The following CEP68 variants were observed in gnomAD, a reference collection of about 807,000 sequenced individuals.
CEP68 encodes centrosomal protein of 68 kDa.
Under a neutral mutation model 55.3 loss-of-function variants are expected in CEP68, and 26 were observed. That is an observed-to-expected ratio of 0.47 (90% confidence interval 0.34 to 0.65). The LOEUF (loss-of-function observed/expected upper bound fraction) is 0.65, where lower values mean the gene tolerates loss of function less well. Among genes scored for constraint, CEP68 ranks in the 30% least tolerant of loss-of-function variants. CEP68 has a pLI of 0.01. For synonymous variants in CEP68, 402 were observed against 383.2 expected, an observed-to-expected ratio of 1.05 and a Z score of -0.57; for missense variants, 957 against 946.7, an observed-to-expected ratio of 1.01 and a Z score of -0.14.
chr2:65,073,247 T>C (rs920075350), intron 3 of CEP68: 1 of 491,460 alleles, frequency 2.0e-6, no homozygotes, highest in East Asian at 4.2e-5. Context: ...GAGACCCAGG[T>C]AGACTATTTG....
At chr2:65,060,971 G>A (rs1373733499) in intron 1 of CEP68, among the ~76,000 whole-genome samples, 2 of 152,218 alleles carry the variant, frequency 1.3e-5, no homozygotes, top group Non-Finnish European at 2.9e-5. Flanking sequence ...AAGGTCAGGA[G>A]TTCGAGACCA....
At position 65,072,554 on chromosome 2, in the gene CEP68, C is replaced by T. The variant is rs572350656; in HGVS notation, c.1458C>T (p.Pro486=). Residue 486 remains proline (P), a synonymous_variant, in exon 3 of 7, where the codon CCC becomes CCT. Transcript: ENST00000377990. ...GTGATGACGAGTATCTTGCCCTCCC[C>T]GCTCGGCTGACACAGGTTTCTAGCC... ...VESDDEYLAL[P]ARLTQVSSLV... 5.5e-5 allele frequency: 89 copies of T among 1,614,080 alleles called. No homozygotes were observed. The highest frequency in any genetic ancestry group is 4.9e-4 in the Middle Eastern group (3 of 6,062).
chr2:65,080,409 T>C (rs1676956686), intron 5 of CEP68: 1 of 985,232 alleles, frequency 1.0e-6, no homozygotes, highest in South Asian at 4.7e-5. Context: ...TAACTTTTCT[T>C]CCGCCAGGAG....
chr2:65,067,310 G>C (rs1573025849), intron 1 of CEP68, among the ~76,000 whole-genome samples: 2 of 152,246 alleles, frequency 1.3e-5, no homozygotes, highest in South Asian at 4.2e-4. Context: ...AACCCGGGAG[G>C]TGGAGGTTGC....
In CEP68 at chr2:65,084,921, C is replaced by A. The variant is rs1172589663; in HGVS notation, c.*1287C>A. ...TTTGCCATATTAATCATCTTAGTTCCATACACACTGAGACTTTAAAAGGGA... is the reference window on the plus strand; with the variant it reads ...TTTGCCATATTAATCATCTTAGTTCAATACACACTGAGACTTTAAAAGGGA... On this transcript the variant is annotated 3_prime_UTR_variant, in exon 7 of 7. Coordinates refer to ENST00000377990, the MANE Select transcript of CEP68 (RefSeq NM_015147.3). The A allele has an allele frequency of 6.6e-6, 1 of 152,066 alleles. No individual in the cohort carries two copies. Among genetic ancestry groups the A allele is most frequent in the African/African-American group, 2.4e-5 (1 of 41,410 alleles). 9.4% of individuals were successfully genotyped at this position (152,066 alleles called of 1,614,324 possible).
intron 5 of CEP68, among the ~76,000 whole-genome samples, chr2:65,078,834 GCACCCAGCCACTT>G (rs1215080992): frequency 6.6e-6 from 1 of 152,236 alleles, no homozygotes; most frequent in Non-Finnish European, 1.5e-5. Context: ...GTGAGCCACT[GCACCCAGCCACTT>G]GAGCCCATTT....
chr2:65,074,724 G>T, intron 4 of CEP68: 1 of 361,614 alleles, frequency 2.8e-6, no homozygotes, highest in East Asian at 7.1e-5. Flanking sequence ...AAGATTGCTT[G>T]AGCCCAGGAG....
chr2:65,058,115 G>T (rs1675734858), intron 1 of CEP68, among the ~76,000 whole-genome samples: 1 of 152,176 alleles, frequency 6.6e-6, no homozygotes, highest in Non-Finnish European at 1.5e-5. Flanking sequence ...CAGTCGTTAG[G>T]AGAAAAATAA....
intron 1 of CEP68, among the ~76,000 whole-genome samples, chr2:65,058,497 CTTTTTT>C (rs34477880): frequency 2.8e-4 from 21 of 75,682 alleles, no homozygotes; most frequent in South Asian, 5.6e-4. Flanking sequence ...GATTTTTTTC[CTTTTTT>C]TTTTTTTTTT....
intron 5 of CEP68, among the ~76,000 whole-genome samples, chr2:65,079,301 A>C (rs1676901219): frequency 6.6e-6 from 1 of 152,136 alleles, no homozygotes. Flanking sequence ...TTTGTGGGGA[A>C]TTGTCCTATG....
At chr2:65,060,912 C>T (rs983174915) in intron 1 of CEP68, among the ~76,000 whole-genome samples, 1 of 152,180 alleles carries the variant, frequency 6.6e-6, no homozygotes, top group Admixed American at 6.5e-5. Context: ...CGCAGTGGCT[C>T]ACGCCTGTAA....
chr2:65,075,725 T>G (rs1487312439), intron 4 of CEP68, among the ~76,000 whole-genome samples: 1 of 152,178 alleles, frequency 6.6e-6, no homozygotes, highest in Non-Finnish European at 1.5e-5. Flanking sequence ...TCTAATCTCT[T>G]CATGAAGAAG....
Position 65,074,275 on chromosome 2 carries a change from T to C in CEP68, c.1885-7T>C, listed in dbSNP as rs1676651462. 6.2e-7 allele frequency: 1 copy of C among 1,613,830 alleles called. No individual in the cohort carries two copies. The highest frequency in any genetic ancestry group is 1.3e-5 in the African/African-American group (1 of 74,936). ...AACACCATGTGTCCTTTTATTTGTCTCTGCAGACATTTTGCTGTCAGCTGG... is the reference window on the plus strand; with the variant it reads ...AACACCATGTGTCCTTTTATTTGTCCCTGCAGACATTTTGCTGTCAGCTGG... On this transcript the variant is annotated splice_polypyrimidine_tract_variant and splice_region_variant and intron_variant, in intron 3 of 6. Coordinates refer to ENST00000377990, the MANE Select transcript of CEP68 (RefSeq NM_015147.3).
At position 65,071,569 on chromosome 2, in the gene CEP68, C is replaced by G; in HGVS notation, c.473C>G (p.Ala158Gly). The G allele has an allele frequency of 1.9e-6, 3 of 1,614,208 alleles. No individual in the cohort carries two copies. Among genetic ancestry groups the G allele is most frequent in the Non-Finnish European group, 2.5e-6 (3 of 1,180,030 alleles). ...GATACCGAAGATGATCCATCCCTAG[C>G]AGATTTGCCCCAGGCACTGGACCTC... The part of the protein sequence containing the change: ...DADTEDDPSL[A>G]DLPQALDLSQ... Residue 158 changes from alanine to glycine, a missense_variant, in exon 3 of 7, where the codon GCA (alanine) becomes GGA (glycine). Physicochemically the swap from Ala to Gly is moderately conservative, Grantham distance 60. Coordinates refer to ENST00000377990, the MANE Select transcript of CEP68 (RefSeq NM_015147.3).
intron 1 of CEP68, among the ~76,000 whole-genome samples, chr2:65,067,074 T>C (rs1205827015): frequency 8.0e-5 from 12 of 150,456 alleles, no homozygotes; most frequent in Non-Finnish European, 1.8e-4. Context: ...GCTACTTTTA[T>C]GTAAAAAAAA....
In CEP68 at chr2:65,086,430, AC is replaced by A. The variant is rs933665323; in HGVS notation, c.*2797del. The stretch of plus-strand genomic sequence containing the variant: ...AGGGGTATATATTTTTTCCAGAACC[AC>A]ATTTATTGGCGTATACATAGAAGCA... On this transcript the variant is annotated 3_prime_UTR_variant, in exon 7 of 7. Transcript: ENST00000377990. 20 of 152,324 alleles carry A rather than the reference AC, an allele frequency of 1.3e-4. No homozygotes were observed. The highest frequency in any genetic ancestry group is 4.6e-4 in the African/African-American group (19 of 41,568). 9.4% of individuals were successfully genotyped at this position (152,324 alleles called of 1,614,324 possible). A position where few individuals can be genotyped will look rare whatever the true frequency, so the allele number is the denominator to read the frequency against.
At chr2:65,060,230 A>T (rs1022395080) in intron 1 of CEP68, among the ~76,000 whole-genome samples, 2 of 151,678 alleles carry the variant, frequency 1.3e-5, no homozygotes, top group Admixed American at 6.6e-5. Flanking sequence ...AAAGAGGGAA[A>T]TTTTTTTTTA....
In CEP68 at chr2:65,072,703, A is replaced by G. The variant is rs753147221; in HGVS notation, c.1607A>G (p.Gln536Arg). ...GCTTCCTTCCCTTCAAGCTCCAGCC[A>G]AAGCCAGCTTCCCCCTGGAGCTGCC... Reference protein sequence around the residue: ...GPASFPSSSSQSQLPPGAALQ... With the variant: ...GPASFPSSSSRSQLPPGAALQ... Residue 536 changes from glutamine to arginine, a missense_variant, in exon 3 of 7, where the codon CAA (glutamine) becomes CGA (arginine). Gln to Arg is a conservative substitution (Grantham distance 43). Coordinates refer to ENST00000377990, the MANE Select transcript of CEP68 (RefSeq NM_015147.3). The G allele has an allele frequency of 6.2e-7, 1 of 1,614,128 alleles. No homozygotes were observed. The highest frequency in any genetic ancestry group is 1.1e-5 in the South Asian group (1 of 91,086).
intron 1 of CEP68, among the ~76,000 whole-genome samples, chr2:65,063,018 G>A (rs1675987845): frequency 1.3e-5 from 2 of 152,230 alleles, no homozygotes; most frequent in African/African-American, 2.4e-5. Context: ...CCCGGCAGCT[G>A]TGACAGGAGT....
Sources: allele counts gnomAD v4.1 joint callset (sites outside exome capture counted in the v4.1 genomes callset), GRCh38; gene constraint gnomAD v4.1.1; transcripts MANE v1.5; gene names NCBI Gene and HGNC (gene_info 2026-07-23, HGNC 2026-07-21).